CREB3L2: variants seen among roughly 807,000 people sequenced by gnomAD.
The protein encoded by CREB3L2 is cyclic AMP-responsive element-binding protein 3-like protein 2.
In CREB3L2, 23 loss-of-function variants were observed where a neutral mutation model predicts 57.2. That is an observed-to-expected ratio of 0.40 (90% CI 0.29 to 0.57). CREB3L2 has a LOEUF of 0.57. Ranked by LOEUF, CREB3L2 falls within the 20% of genes least tolerant of loss-of-function variation. The pLI, the probability that CREB3L2 is intolerant of heterozygous loss-of-function variation, is 0.42. For synonymous variants in CREB3L2, 268 were observed against 265.1 expected (o/e 1.01, Z -0.11); for missense variants, 628 against 634.7 (o/e 0.99, Z 0.11).
At chr7:137,995,761 T>C (rs1446073421) in intron 1 of CREB3L2, among the ~76,000 whole-genome samples, 1 of 152,256 alleles carries the variant, frequency 6.6e-6, no homozygotes, top group Non-Finnish European at 1.5e-5. Flanking sequence ...CTAGATGCTA[T>C]ATCTTATAAC....
chr7:137,876,018 C>G lies in CREB3L2; in HGVS notation c.*4458G>C, dbSNP rs897174754. On this transcript the variant is annotated 3_prime_UTR_variant, in exon 12 of 12. Transcript: ENST00000330387. ...AGGTTCCTTTGCCCTGAGAAATGTT[C>G]CGCTATGAGGATTTATAATACCTTT... 7.4e-5 allele frequency: 17 copies of G among 229,380 alleles called. No homozygotes were observed. The highest frequency in any genetic ancestry group is 1.5e-4 in the Non-Finnish European group (17 of 115,720). 14.2% of individuals were successfully genotyped at this position (229,380 alleles called of 1,614,324 possible).
intron 1 of CREB3L2, among the ~76,000 whole-genome samples, chr7:137,972,478 T>G (rs561936903): frequency 2.0e-5 from 3 of 151,514 alleles, no homozygotes; most frequent in Non-Finnish European, 4.4e-5. Flanking sequence ...ATGTCTTTTT[T>G]GCTTGTTTTT....
chr7:137,947,293 C>CT (rs978773637), intron 1 of CREB3L2, among the ~76,000 whole-genome samples: 2 of 152,052 alleles, frequency 1.3e-5, no homozygotes, highest in African/African-American at 4.8e-5. Context: ...GCCACACCCG[C>CT]TCAACACCCG....
At chr7:137,966,394 T>C (rs1801407609) in intron 1 of CREB3L2, among the ~76,000 whole-genome samples, 1 of 152,206 alleles carries the variant, frequency 6.6e-6, no homozygotes, top group African/African-American at 2.4e-5. Context: ...CAAAGAAAAC[T>C]GTTAATACAT....
chr7:137,997,549 C>G (rs904383440), intron 1 of CREB3L2, among the ~76,000 whole-genome samples: 4 of 105,610 alleles, frequency 3.8e-5, no homozygotes, highest in African/African-American at 1.3e-4. Flanking sequence ...ACTGAGATCC[C>G]GTTTCTACCA....
In CREB3L2 at chr7:137,988,907, A is replaced by C. The variant is rs903601178; in HGVS notation, c.102+12697T>G. Among the ~76,000 whole-genome samples, 3 of 151,668 alleles carry C rather than the reference A, an allele frequency of 2.0e-5. No individual in the cohort carries two copies. In the South Asian group the frequency reaches 6.3e-4, roughly 32 times the overall value. ...TCAGGAGTTCAAGATCAGCCTGGGCAACATAGCAAGAAAGGAAGAGAAAGA... is the reference window on the plus strand; with the variant it reads ...TCAGGAGTTCAAGATCAGCCTGGGCCACATAGCAAGAAAGGAAGAGAAAGA... On this transcript the variant is annotated intron_variant, in intron 1 of 11. Transcript: ENST00000330387.
At chr7:137,889,311 T>C (rs1038357898) in intron 8 of CREB3L2, among the ~76,000 whole-genome samples, 1 of 152,108 alleles carries the variant, frequency 6.6e-6, no homozygotes, top group African/African-American at 2.4e-5. Flanking sequence ...AGGTGTAAAG[T>C]GCTACAAGTT....
intron 2 of CREB3L2, 84 bp from the exon 3 acceptor site, chr7:137,916,096 C>A: frequency 6.4e-6 from 7 of 1,099,198 alleles, no homozygotes; most frequent in East Asian, 2.6e-5. Flanking sequence ...GTCTTTCTCC[C>A]CAAAAAAGCT....
chr7:137,930,392 G>A (rs1800590263), intron 1 of CREB3L2, among the ~76,000 whole-genome samples: 1 of 152,202 alleles, frequency 6.6e-6, no homozygotes, highest in Admixed American at 6.5e-5. Context: ...CTTGGGGTAA[G>A]CAATACAATT....
intron 1 of CREB3L2, among the ~76,000 whole-genome samples, chr7:137,951,353 A>G (rs1421357735): frequency 1.3e-5 from 2 of 152,206 alleles, no homozygotes; most frequent in Non-Finnish European, 2.9e-5. Context: ...ATGTTAATAA[A>G]CCAACAATAT....
chr7:137,955,207 AT>A, intron 1 of CREB3L2: 1 of 1,091,018 alleles, frequency 9.2e-7, no homozygotes, highest in South Asian at 1.3e-5. Context: ...ATCCTTGCCC[AT>A]TTCCATCTTC....
At chr7:137,897,383 T>TA (rs1414003335) in intron 8 of CREB3L2, among the ~76,000 whole-genome samples, 1 of 152,160 alleles carries the variant, frequency 6.6e-6, no homozygotes, top group Non-Finnish European at 1.5e-5. Context: ...TTATTATTAT[T>TA]ATTTGAGACA....
chr7:137,990,755 C>G (rs924205373), intron 1 of CREB3L2, among the ~76,000 whole-genome samples: 1 of 152,200 alleles, frequency 6.6e-6, no homozygotes, highest in African/African-American at 2.4e-5. Flanking sequence ...CTAAAAACAT[C>G]ACCCTATCAG....
chr7:137,905,344 G>A (rs1040805354), intron 6 of CREB3L2, among the ~76,000 whole-genome samples: 7 of 146,698 alleles, frequency 4.8e-5, no homozygotes, highest in Non-Finnish European at 7.4e-5. Context: ...ATGTCTACTA[G>A]AGGAAACTAT....
chr7:138,000,374 G>T (rs910989467), intron 1 of CREB3L2, among the ~76,000 whole-genome samples: 1 of 152,152 alleles, frequency 6.6e-6, no homozygotes, highest in Non-Finnish European at 1.5e-5. Flanking sequence ...AGCTCAGCAA[G>T]CAAAGCCCAG....
intron 1 of CREB3L2, chr7:137,955,265 G>T: frequency 7.8e-7 from 1 of 1,288,986 alleles, no homozygotes; most frequent in Non-Finnish European, 1.0e-6. Context: ...AAAAGCACGT[G>T]TTCACAGACA....
chr7:137,875,374 T>C lies in CREB3L2; in HGVS notation c.*5102A>G. ...TAAACTGTTTTATCTGAAAAGGTGATTTTCTAAGTAGTGTAAGCCATGGGT... is the reference window on the plus strand; with the variant it reads ...TAAACTGTTTTATCTGAAAAGGTGACTTTCTAAGTAGTGTAAGCCATGGGT... On this transcript the variant is annotated 3_prime_UTR_variant, in exon 12 of 12. Coordinates refer to ENST00000330387, the MANE Select transcript of CREB3L2 (RefSeq NM_194071.4). The C allele has an allele frequency of 4.6e-6, 1 of 219,514 alleles. No individual in the cohort carries two copies. The highest frequency in any genetic ancestry group is 9.1e-6 in the Non-Finnish European group (1 of 109,508). The allele number at this position is 219,514 out of a possible 1,614,324, so 13.6% of individuals were successfully genotyped here. A position where few individuals can be genotyped will look rare whatever the true frequency, so the allele number is the denominator to read the frequency against.
intron 3 of CREB3L2, among the ~76,000 whole-genome samples, chr7:137,914,713 A>G (rs1800089199): frequency 6.6e-6 from 1 of 152,186 alleles, no homozygotes; most frequent in South Asian, 2.1e-4. Context: ...AGCCTAATAA[A>G]GAGACTCAGG....
Position 137,880,419 on chromosome 7 carries a change from T to C in CREB3L2, c.*57A>G, listed in dbSNP as rs1253017379. On this transcript the variant is annotated 3_prime_UTR_variant, in exon 12 of 12. Transcript: ENST00000330387. The surrounding 1 kb of genome is among the most constrained non-coding windows in gnomAD (Gnocchi z 4.0). Reference sequence around the variant, plus strand: ...AAAGAGGAAAAGCTGATGACAAAGGTGGTTTGGGGATGTAAAAGTAGAGTT... The same window carrying C: ...AAAGAGGAAAAGCTGATGACAAAGGCGGTTTGGGGATGTAAAAGTAGAGTT... 2.3e-5 allele frequency: 31 copies of C among 1,356,492 alleles called. No individual in the cohort carries two copies. In the South Asian group the frequency reaches 3.2e-4, roughly 14 times the overall value. The allele number at this position is 1,356,492 out of a possible 1,614,324, so 84.0% of individuals were successfully genotyped here. A position where few individuals can be genotyped will look rare whatever the true frequency, so the allele number is the denominator to read the frequency against.
Sources: gnomAD v4.1 joint callset for allele counts (sites outside exome capture counted in the v4.1 genomes callset) on GRCh38, gnomAD v4.1.1 for gene constraint, Gnocchi (gnomAD v3.1) non-coding constraint, MANE v1.5 for transcripts, NCBI Gene and HGNC (gene_info 2026-07-23, HGNC 2026-07-21) for gene names.